The following MLLT10 variants were observed in gnomAD, a reference collection of about 807,000 sequenced individuals.
MLLT10 encodes the protein MLLT10 histone lysine methyltransferase DOT1L cofactor.
Under a neutral mutation model 129.1 loss-of-function variants are expected in MLLT10, and 30 were observed. That is an observed-to-expected ratio of 0.23 (90% CI 0.17 to 0.32). The LOEUF is 0.32. Ranked by LOEUF, MLLT10 falls within the 10% of genes least tolerant of loss-of-function variation. The pLI is 1.00. For synonymous variants in MLLT10, 490 were observed against 446.4 expected (o/e 1.10, Z -1.23); for missense variants, 1,119 against 1,268.3 (o/e 0.88, Z 1.79).
chr10:21,576,242 CTT>C (rs556175778), intron 3 of MLLT10, among the ~76,000 whole-genome samples: 21 of 128,010 alleles, frequency 1.6e-4, no homozygotes, highest in Non-Finnish European at 8.4e-5. Context: ...TATCCATTTA[CTT>C]TTTTTTTTTT....
At chr10:21,741,844 C>G (rs540032404) in intron 22 of MLLT10, 95 bp from the exon 23 acceptor site, 2 of 1,353,308 alleles carry the variant, frequency 1.5e-6, no homozygotes, top group South Asian at 1.3e-5. Flanking sequence ...GAGTAACTTT[C>G]TATACCACAT....
intron 6 of MLLT10, among the ~76,000 whole-genome samples, chr10:21,612,966 G>A (rs905153020): frequency 6.6e-6 from 1 of 151,956 alleles, no homozygotes; most frequent in Non-Finnish European, 1.5e-5. Context: ...GGCCGAGGTG[G>A]GTGGATCACC....
chr10:21,738,694 C>T (rs141884949), intron 21 of MLLT10: 21 of 385,554 alleles, frequency 5.4e-5, no homozygotes, highest in South Asian at 2.2e-4. Context: ...CACCTGGCAA[C>T]GGCATTAGAC....
At chr10:21,554,444 C>T (rs1009153999) in intron 3 of MLLT10, among the ~76,000 whole-genome samples, 1 of 151,610 alleles carries the variant, frequency 6.6e-6, no homozygotes, top group Non-Finnish European at 1.5e-5. Flanking sequence ...TCCTGGCCCT[C>T]CTTCACTTAA....
intron 3 of MLLT10, among the ~76,000 whole-genome samples, chr10:21,563,555 G>A (rs777832055): frequency 6.6e-6 from 1 of 151,980 alleles, no homozygotes; most frequent in Admixed American, 6.6e-5. Context: ...AACTTTCTGG[G>A]ATTGAGTTTT....
At chr10:21,568,254 C>T (rs1444126811) in intron 3 of MLLT10, among the ~76,000 whole-genome samples, 1 of 152,168 alleles carries the variant, frequency 6.6e-6, no homozygotes, top group Non-Finnish European at 1.5e-5. Flanking sequence ...TGCCTTGTGT[C>T]CTGTGATCCT....
chr10:21,630,648 C>T (rs1204796863), intron 8 of MLLT10, among the ~76,000 whole-genome samples: 1 of 152,206 alleles, frequency 6.6e-6, no homozygotes, highest in South Asian at 2.1e-4. Context: ...GAATGGGGAA[C>T]TTAGGCAAAT....
chr10:21,701,131 G>A (rs1340025593), intron 13 of MLLT10, among the ~76,000 whole-genome samples: 1 of 151,914 alleles, frequency 6.6e-6, no homozygotes, highest in Non-Finnish European at 1.5e-5. Context: ...ACTATTCTCT[G>A]CTGTCTTTCA....
intron 4 of MLLT10, among the ~76,000 whole-genome samples, chr10:21,592,088 A>G (rs1332047765): frequency 4.6e-5 from 7 of 152,060 alleles, no homozygotes; most frequent in African/African-American, 1.4e-4. Context: ...TTTTTTTTCC[A>G]GTCTTTGTTA....
intron 8 of MLLT10, chr10:21,624,894 G>A: frequency 8.2e-7 from 1 of 1,216,748 alleles, no homozygotes. Flanking sequence ...TCCCAAAGGT[G>A]CCCCCTTTTG....
At chr10:21,547,320 G>A (rs140967087) in intron 3 of MLLT10, among the ~76,000 whole-genome samples, 1 of 151,944 alleles carries the variant, frequency 6.6e-6, no homozygotes, top group East Asian at 1.9e-4. Flanking sequence ...ACAAAACAAA[G>A]GTCCTTGGGA....
chr10:21,630,735 C>T (rs2046918314), intron 8 of MLLT10, among the ~76,000 whole-genome samples: 1 of 152,222 alleles, frequency 6.6e-6, no homozygotes. Context: ...GTGTCATCTT[C>T]TACCAGCATC....
At chr10:21,597,440 G>C (rs998816098) in intron 5 of MLLT10, among the ~76,000 whole-genome samples, 1 of 152,124 alleles carries the variant, frequency 6.6e-6, no homozygotes, top group South Asian at 2.1e-4. Context: ...CGCAGTCTCG[G>C]CTCACTGCAG....
intron 5 of MLLT10, among the ~76,000 whole-genome samples, chr10:21,609,881 TCACA>T (rs773071011): frequency 8.6e-5 from 13 of 151,404 alleles, no homozygotes; most frequent in African/African-American, 2.7e-4. Flanking sequence ...GTTTTCTCTC[TCACA>T]CACACACACA....
At position 21,625,146 on chromosome 10, in the gene MLLT10, C is replaced by T. The variant is rs138792547; in HGVS notation, c.699+7939C>T. The T allele has an allele frequency of 1.3e-3, 1,497 of 1,126,414 alleles. 7 individuals are homozygous for T. Among genetic ancestry groups the T allele is most frequent in the Middle Eastern group, 1.9e-3 (8 of 4,124 alleles). The allele number at this position is 1,126,414 out of a possible 1,614,324, so 69.8% of individuals were successfully genotyped here. Reference sequence around the variant, plus strand: ...CCAACCTCTAATCGGAAGCGGCATGCGAGGAGGAGGGTGTAGTGATAATCT... The same window carrying T: ...CCAACCTCTAATCGGAAGCGGCATGTGAGGAGGAGGGTGTAGTGATAATCT... On this transcript the variant is annotated intron_variant, in intron 8 of 22. Transcript: ENST00000307729.
intron 9 of MLLT10, among the ~76,000 whole-genome samples, chr10:21,655,439 T>G (rs549257092): frequency 6.6e-6 from 1 of 152,242 alleles, no homozygotes; most frequent in Non-Finnish European, 1.5e-5. Context: ...GATGTGGCAG[T>G]GTTCCAGCAA....
Position 21,733,554 on chromosome 10 carries a change from A to T in MLLT10, c.2458A>T (p.Ser820Cys). 6.3e-7 allele frequency: 1 copy of T among 1,577,178 alleles called. No individual in the cohort carries two copies. The highest frequency in any genetic ancestry group is 2.2e-5 in the East Asian group (1 of 44,592). ...CAGTAAGAGCCCTCATATAGGAAAC[A>T]GCTTTTTACCTGATAATTCTCTTCC... ...NSSKSPHIGNSFLPDNSLPVL... is the reference protein window; with the variant it reads ...NSSKSPHIGNCFLPDNSLPVL... Residue 820 changes from serine (S) to cysteine (C), a missense_variant, in exon 19 of 23, where the codon AGC becomes TGC. By Grantham distance (112) the Ser-to-Cys change is moderately radical. Coordinates refer to ENST00000307729, the MANE Select transcript of MLLT10 (RefSeq NM_001195626.3).
intron 8 of MLLT10, among the ~76,000 whole-genome samples, chr10:21,648,981 G>A (rs978457440): frequency 1.3e-5 from 2 of 152,134 alleles, no homozygotes; most frequent in African/African-American, 2.4e-5. Context: ...CCCATGACAC[G>A]TGGGGATTGT....
At chr10:21,711,518 T>C (rs781425085) in intron 13 of MLLT10, among the ~76,000 whole-genome samples, 1 of 148,614 alleles carries the variant, frequency 6.7e-6, no homozygotes, top group Admixed American at 6.7e-5. Flanking sequence ...AGCTCAGGAG[T>C]TTGAAATCAG....
Sources: gnomAD v4.1 joint callset for allele counts (sites outside exome capture counted in the v4.1 genomes callset) on GRCh38, gnomAD v4.1.1 for gene constraint, MANE v1.5 for transcripts, NCBI Gene and HGNC (gene_info 2026-07-23, HGNC 2026-07-21) for gene names.